Variants in RSU1 observed in about 807,000 individuals in gnomAD.
The protein encoded by RSU1 is rsu-1.
RSU1 carries 26 observed loss-of-function variants against 31.1 expected under a neutral mutation model. The ratio of observed to expected loss-of-function variants is 0.84; its 90% CI spans 0.61 to 1.16. The LOEUF (loss-of-function observed/expected upper bound fraction) is 1.16. Ranked by LOEUF, RSU1 falls within the 50% of genes most tolerant of loss-of-function variation. The probability of loss-of-function intolerance (pLI) is 0.00; values close to 1 mark genes in which losing one functional copy is unlikely to be tolerated. For synonymous variants in RSU1, 164 were observed against 136.3 expected (o/e 1.20, Z -1.41); for missense variants, 320 against 339.1 (o/e 0.94, Z 0.44).
chr10:16,712,214 T>G (rs2131581410), intron 7 of RSU1, among the ~76,000 whole-genome samples: 1 of 152,306 alleles, frequency 6.6e-6, no homozygotes, highest in Admixed American at 6.5e-5. Flanking sequence ...TCAGTTTATG[T>G]TTGTCTTTAA....
At chr10:16,804,104 TA>T (rs886439325) in intron 2 of RSU1, among the ~76,000 whole-genome samples, 4 of 151,846 alleles carry the variant, frequency 2.6e-5, no homozygotes, top group African/African-American at 9.6e-5. Flanking sequence ...ATCCAAAATA[TA>T]AAAAAAAGAC....
At position 16,591,801 on chromosome 10, in the gene RSU1, C is replaced by A. The variant is rs944608816; in HGVS notation, c.*1593G>T. 6.6e-6 allele frequency: 1 copy of A among 152,134 alleles called. No homozygotes were observed. The highest frequency in any genetic ancestry group is 1.5e-5 in the Non-Finnish European group (1 of 68,042). 9.4% of individuals were successfully genotyped at this position (152,134 alleles called of 1,614,324 possible). A position where few individuals can be genotyped will look rare whatever the true frequency, so the allele number is the denominator to read the frequency against. ...GTTAAGTCTTTCCTATCCACAACAG[C>A]AAAGGCCTTGTTCTCCCTCGTGCAA... On this transcript the variant is annotated 3_prime_UTR_variant, in exon 9 of 9. Coordinates refer to ENST00000345264, the MANE Select transcript of RSU1 (RefSeq NM_012425.4).
At position 16,719,442 on chromosome 10, in the gene RSU1, C is replaced by T. The variant is rs141945416; in HGVS notation, c.599-24287G>A. ...CACCCAAACACACCATGGGCTGTCG[C>T]GCTTCTTCACCTACCCAATACCCTC... On this transcript the variant is annotated intron_variant, in intron 7 of 8. Coordinates refer to ENST00000345264, the MANE Select transcript of RSU1 (RefSeq NM_012425.4). 3.4e-4 allele frequency among the ~76,000 whole-genome samples: 52 copies of T among 152,280 alleles called. No homozygotes were observed. The East Asian group carries it at 3.5e-3, about 10-fold the overall frequency.
chr10:16,738,697 T>G (rs1336786234), intron 7 of RSU1, among the ~76,000 whole-genome samples: 3 of 152,174 alleles, frequency 2.0e-5, no homozygotes, highest in Non-Finnish European at 4.4e-5. Flanking sequence ...AATGTACTTT[T>G]TAAAAAAAAA....
At chr10:16,752,505 AC>A (rs753047111) in intron 7 of RSU1, 33 bp downstream of exon 7, 23 of 1,490,254 alleles carry the variant, frequency 1.5e-5, no homozygotes, top group Non-Finnish European at 2.1e-5. Flanking sequence ...TATTCATGAA[AC>A]CCAGAACTAA....
intron 7 of RSU1, among the ~76,000 whole-genome samples, chr10:16,698,594 C>T (rs1244487706): frequency 1.3e-5 from 2 of 152,132 alleles, no homozygotes; most frequent in Non-Finnish European, 2.9e-5. Context: ...TTGTCTGAAG[C>T]CTGTAACCCC....
chr10:16,794,297 C>T (rs1423076434), intron 2 of RSU1, among the ~76,000 whole-genome samples: 1 of 152,154 alleles, frequency 6.6e-6, no homozygotes, highest in Non-Finnish European at 1.5e-5. Flanking sequence ...CTCTGGAGAA[C>T]TCTGACAGGC....
At chr10:16,652,646 T>G (rs1834707996) in intron 8 of RSU1, among the ~76,000 whole-genome samples, 1 of 152,132 alleles carries the variant, frequency 6.6e-6, no homozygotes, top group South Asian at 2.1e-4. Context: ...ATGTATAAGT[T>G]TATTTGAATG....
chr10:16,688,263 T>C (rs1835474985), intron 8 of RSU1, among the ~76,000 whole-genome samples: 1 of 152,130 alleles, frequency 6.6e-6, no homozygotes, highest in Admixed American at 6.5e-5. Context: ...TGCCAAAACT[T>C]TGAATCACAT....
chr10:16,604,776 CTT>C (rs1361190208), intron 8 of RSU1, among the ~76,000 whole-genome samples: 4 of 152,184 alleles, frequency 2.6e-5, no homozygotes, highest in African/African-American at 2.4e-5. Context: ...ATGACTCAGT[CTT>C]AGGTCCATCA....
At chr10:16,682,600 G>A (rs995147998) in intron 8 of RSU1, among the ~76,000 whole-genome samples, 6 of 146,112 alleles carry the variant, frequency 4.1e-5, no homozygotes, top group Non-Finnish European at 9.0e-5. Flanking sequence ...GGGTGGACAT[G>A]CGTTCCTCCT....
At chr10:16,715,296 C>T (rs2356377) in intron 7 of RSU1, among the ~76,000 whole-genome samples, 112,708 of 152,164 alleles carry the variant, frequency 0.74, 42,787 homozygotes, top group African/African-American at 0.91. Flanking sequence ...GCACAAAATT[C>T]TTAAATTTTC....
At chr10:16,719,581 A>T (rs888719555) in intron 7 of RSU1, among the ~76,000 whole-genome samples, 9 of 152,124 alleles carry the variant, frequency 5.9e-5, no homozygotes, top group African/African-American at 2.2e-4. Flanking sequence ...CCCAGAATCT[A>T]TTGGTTTGTT....
At position 16,715,733 on chromosome 10, in the gene RSU1, T is replaced by C. The variant is rs572778548; in HGVS notation, c.599-20578A>G. Among the ~76,000 whole-genome samples, 24 of 152,346 alleles carry C rather than the reference T, an allele frequency of 1.6e-4. No homozygotes were observed. In the South Asian group the frequency reaches 4.3e-3, roughly 28 times the overall value. ...ACTGTAGCAAGTTTGAAATCAGGAA[T>C]TGTTAAATCCTTCAGTTTTGTTCTT... On this transcript the variant is annotated intron_variant, in intron 7 of 8. Coordinates refer to ENST00000345264, the MANE Select transcript of RSU1 (RefSeq NM_012425.4).
intron 3 of RSU1, chr10:16,767,115 T>A (rs954505931): frequency 6.6e-6 from 1 of 152,056 alleles, no homozygotes; most frequent in Non-Finnish European, 1.5e-5. Flanking sequence ...GTATATACAT[T>A]ACAGCTGCCC....
chr10:16,767,128 A>G (rs1417495988), intron 3 of RSU1: 1 of 152,118 alleles, frequency 6.6e-6, no homozygotes, highest in Non-Finnish European at 1.5e-5. Context: ...AGCTGCCCAC[A>G]GACCTCATCC....
At chr10:16,763,952 T>C (rs1473803270) in intron 4 of RSU1, among the ~76,000 whole-genome samples, 4 of 152,140 alleles carry the variant, frequency 2.6e-5, no homozygotes, top group African/African-American at 9.7e-5. Flanking sequence ...AAGAATTGCA[T>C]AAATGAATGA....
At chr10:16,754,567 T>C (rs1415613406) in intron 5 of RSU1, among the ~76,000 whole-genome samples, 1 of 148,388 alleles carries the variant, frequency 6.7e-6, no homozygotes, top group African/African-American at 2.5e-5. Flanking sequence ...TTTTTTGGCA[T>C]GCTATTTAAA....
chr10:16,640,866 C>G (rs1834428510), intron 8 of RSU1, among the ~76,000 whole-genome samples: 1 of 152,198 alleles, frequency 6.6e-6, no homozygotes, highest in Non-Finnish European at 1.5e-5. Flanking sequence ...CCACTGAATC[C>G]CTTAGCCAAG....
Sources: gnomAD v4.1 joint callset for allele counts (sites outside exome capture counted in the v4.1 genomes callset) on GRCh38, gnomAD v4.1.1 for gene constraint, MANE v1.5 for transcripts, NCBI Gene and HGNC (gene_info 2026-07-23, HGNC 2026-07-21) for gene names.